The following KIAA0825 variants were observed in gnomAD, a reference collection of about 807,000 sequenced individuals.
The protein encoded by KIAA0825 is uncharacterized protein KIAA0825.
A neutral mutation model predicts 147.6 loss-of-function variants in KIAA0825; 119 were observed. The observed-to-expected ratio is 0.81, with a 90% CI of 0.69 to 0.94. The LOEUF (loss-of-function observed/expected upper bound fraction) is 0.94. Ranked by LOEUF, KIAA0825 falls within the 40% of genes least tolerant of loss-of-function variation. The probability of loss-of-function intolerance (pLI) is 0.00; values close to 1 mark genes in which losing one functional copy is unlikely to be tolerated. For synonymous variants in KIAA0825, 470 were observed against 518.1 expected (o/e 0.91, Z 1.26); for missense variants, 1,381 against 1,472.7 (o/e 0.94, Z 1.02).
intron 20 of KIAA0825, among the ~76,000 whole-genome samples, chr5:94,311,669 A>G (rs972420824): frequency 2.6e-5 from 4 of 151,630 alleles, no homozygotes; most frequent in South Asian, 2.1e-4. Context: ...TATAATTTCT[A>G]TTTGTCTCTA....
At chr5:94,262,675 GAC>G (rs1489366488) in intron 20 of KIAA0825, among the ~76,000 whole-genome samples, 2 of 152,114 alleles carry the variant, frequency 1.3e-5, no homozygotes, top group Non-Finnish European at 2.9e-5. Flanking sequence ...GAAAAAGTAA[GAC>G]AACAGTTCGT....
At chr5:94,559,793 C>A (rs1487264373) in intron 2 of KIAA0825, among the ~76,000 whole-genome samples, 1 of 152,162 alleles carries the variant, frequency 6.6e-6, no homozygotes, top group East Asian at 1.9e-4. Context: ...AATTCCACAT[C>A]ACTGATTCGA....
At chr5:94,203,617 A>T (rs187039925) in intron 20 of KIAA0825, among the ~76,000 whole-genome samples, 1 of 152,288 alleles carries the variant, frequency 6.6e-6, no homozygotes, top group African/African-American at 2.4e-5. Context: ...ATTTACTTTT[A>T]AAAAAAGAAA....
At chr5:94,396,040 G>T in intron 17 of KIAA0825, 61 bp downstream of exon 17, 1 of 1,351,862 alleles carries the variant, frequency 7.4e-7, no homozygotes, top group Non-Finnish European at 9.7e-7. Flanking sequence ...GTCATTTATT[G>T]GTGATTTTGT....
intron 20 of KIAA0825, among the ~76,000 whole-genome samples, chr5:94,207,607 C>G (rs1427595904): frequency 6.6e-6 from 1 of 152,170 alleles, no homozygotes; most frequent in Non-Finnish European, 1.5e-5. Context: ...ACATTTCACG[C>G]ATATGTTTCC....
intron 20 of KIAA0825, among the ~76,000 whole-genome samples, chr5:94,184,424 A>G (rs1334891087): frequency 6.6e-6 from 1 of 152,178 alleles, no homozygotes; most frequent in Non-Finnish European, 1.5e-5. Flanking sequence ...CTCACTCTGA[A>G]AAGGCCAACC....
At chr5:94,613,289 G>A (rs554357727) in intron 1 of KIAA0825, among the ~76,000 whole-genome samples, 1 of 152,078 alleles carries the variant, frequency 6.6e-6, no homozygotes, top group Non-Finnish European at 1.5e-5. Context: ...CCACCACCCG[G>A]GGTTCAAGTG....
intron 20 of KIAA0825, among the ~76,000 whole-genome samples, chr5:94,158,182 A>G (rs1767214623): frequency 6.6e-6 from 1 of 152,122 alleles, no homozygotes; most frequent in African/African-American, 2.4e-5. Context: ...ATGTATAAAT[A>G]TGGTCACATT....
Position 94,618,557 on chromosome 5 carries a change from G to C in KIAA0825, c.-210C>G, listed in dbSNP as rs903502540. On this transcript the variant is annotated 5_prime_UTR_variant, in exon 1 of 21. Transcript: ENST00000682413. ...AGCCTGACCCGCTGGCCAGACTCAA[G>C]CTCTGCACCAGGTATTACCACCCTG... The C allele has an allele frequency of 6.5e-6, 1 of 153,624 alleles. No homozygotes were observed. 9.5% of individuals were successfully genotyped at this position (153,624 alleles called of 1,614,324 possible).
chr5:94,568,082 G>A (rs567234192), intron 2 of KIAA0825: 166 of 164,424 alleles, frequency 1.0e-3, no homozygotes, highest in African/African-American at 3.6e-3. Context: ...AGTCACAATC[G>A]GCATCAACCA....
Position 94,473,278 on chromosome 5 carries a change from T to G in KIAA0825, c.1455+14A>C. 6.5e-7 allele frequency: 1 copy of G among 1,546,146 alleles called. No individual in the cohort carries two copies. Among genetic ancestry groups the G allele is most frequent in the Non-Finnish European group, 8.8e-7 (1 of 1,142,198 alleles). On this transcript the variant is annotated intron_variant, in intron 8 of 20. Coordinates refer to ENST00000682413, the MANE Select transcript of KIAA0825 (RefSeq NM_001145678.3). ...CATGCCAGTCAGCAGTTTGAAAGGA[T>G]TTCATATACTTGCTTTTCCAATTTT...
chr5:94,473,529 CA>C lies in KIAA0825; in HGVS notation c.1228-11del. On this transcript the variant is annotated splice_polypyrimidine_tract_variant and intron_variant, in intron 7 of 20. Transcript: ENST00000682413. ...AATCTAGTAAGGTAGCCTGAAATAT[CA>C]ATGTATATGAAGTCATGTTAATCTT... The C allele has an allele frequency of 6.7e-7, 1 of 1,498,862 alleles. No individual in the cohort carries two copies. Among genetic ancestry groups the C allele is most frequent in the Non-Finnish European group, 9.1e-7 (1 of 1,099,006 alleles). The allele number at this position is 1,498,862 out of a possible 1,614,324, so 92.8% of individuals were successfully genotyped here. A position where few individuals can be genotyped will look rare whatever the true frequency, so the allele number is the denominator to read the frequency against.
chr5:94,408,983 T>C (rs1475099518), intron 15 of KIAA0825, among the ~76,000 whole-genome samples: 1 of 152,192 alleles, frequency 6.6e-6, no homozygotes, highest in Admixed American at 6.5e-5. Context: ...ATATAGCAAA[T>C]AAGTTATCCT....
intron 2 of KIAA0825, among the ~76,000 whole-genome samples, chr5:94,541,898 A>T (rs559475217): frequency 6.0e-4 from 92 of 152,366 alleles, no homozygotes; most frequent in African/African-American, 2.2e-3. Flanking sequence ...TAAATATGTT[A>T]TTGGTATACG....
At chr5:94,533,904 T>C (rs889472028) in intron 3 of KIAA0825, among the ~76,000 whole-genome samples, 14 of 152,156 alleles carry the variant, frequency 9.2e-5, no homozygotes, top group African/African-American at 2.9e-4. Flanking sequence ...GAAGGTTCAG[T>C]GACCTTTGGG....
intron 5 of KIAA0825, among the ~76,000 whole-genome samples, chr5:94,509,464 G>A (rs1366386523): frequency 3.3e-5 from 5 of 152,122 alleles, no homozygotes; most frequent in Non-Finnish European, 7.4e-5. Context: ...ATAAAAAATA[G>A]AAAGGACTTA....
At chr5:94,488,946 T>G (rs1763383444) in intron 5 of KIAA0825, among the ~76,000 whole-genome samples, 1 of 152,156 alleles carries the variant, frequency 6.6e-6, no homozygotes, top group Non-Finnish European at 1.5e-5. Flanking sequence ...ACAGATCTAC[T>G]CACTTCTGAG....
At position 94,470,081 on chromosome 5, in the gene KIAA0825, A is replaced by G. The variant is rs1584592326; in HGVS notation, c.1752T>C (p.Tyr584=). The change falls in exon 10 of 21, where the codon TAT becomes TAC. Residue 584 remains tyrosine (Y), a synonymous_variant. Transcript: ENST00000682413. ...KPIFLVLVQR[Y]QEFINTLQFQ... is the part of the protein sequence containing the mutation. ...ACTGTAGAGTGTTGATGAATTCCTG[A>G]TATCGTTGGACAAGCACCAGGAATA... 6.4e-7 allele frequency: 1 copy of G among 1,551,546 alleles called. No homozygotes were observed. The highest frequency in any genetic ancestry group is 1.4e-5 in the African/African-American group (1 of 73,144).
rs1766429970 is a variant in KIAA0825, at chr5:94,150,881, TA to T, written c.*3125del. ...TAGACAATATTCTTTATAATTTATTTAAAAATTATTTCATACTGTTTTCACA... is the reference window on the plus strand; with the variant it reads ...TAGACAATATTCTTTATAATTTATTTAAAATTATTTCATACTGTTTTCACA... On this transcript the variant is annotated 3_prime_UTR_variant, in exon 21 of 21. Transcript: ENST00000682413. Among the ~76,000 whole-genome samples the T allele has an allele frequency of 6.6e-6, 1 of 152,146 alleles. No individual in the cohort carries two copies. The highest frequency in any genetic ancestry group is 1.5e-5 in the Non-Finnish European group (1 of 68,014).
Sources: allele counts gnomAD v4.1 joint callset (sites outside exome capture counted in the v4.1 genomes callset), GRCh38; gene constraint gnomAD v4.1.1; transcripts MANE v1.5; gene names NCBI Gene and HGNC (gene_info 2026-07-23, HGNC 2026-07-21).